ANO2: variants seen among roughly 807,000 people sequenced by gnomAD.
ANO2 encodes anoctamin-2.
Under a neutral mutation model 124.2 loss-of-function variants are expected in ANO2, and 101 were observed. The ratio of observed to expected loss-of-function variants is 0.81; its 90% CI spans 0.69 to 0.96. The LOEUF (loss-of-function observed/expected upper bound fraction) is 0.96, where lower values mean the gene tolerates loss of function less well. Ranked by LOEUF, ANO2 falls within the 40% of genes least tolerant of loss-of-function variation. The pLI is 0.00. For missense variants in ANO2, 1,293 were observed against 1,274.5 expected (o/e 1.01, Z -0.22); for synonymous variants, 486 against 482.5 (o/e 1.01, Z -0.09).
intron 10 of ANO2, among the ~76,000 whole-genome samples, chr12:5,752,290 T>C (rs1188882459): frequency 6.6e-6 from 1 of 152,224 alleles, no homozygotes; most frequent in Non-Finnish European, 1.5e-5. Context: ...TTGAGGAACC[T>C]CCATACTGTT....
intron 3 of ANO2, among the ~76,000 whole-genome samples, chr12:5,880,900 G>GGGATGGATGGATGGATGGATGGATGGAT (rs367583083): frequency 2.0e-4 from 29 of 142,522 alleles, no homozygotes; most frequent in African/African-American, 7.5e-4. Flanking sequence ...GGGTAGGTGG[G>GGGATGGATGGATGGATGGATGGATGGAT]GGATGGATGG....
chr12:5,619,824 G>A (rs990614208), intron 16 of ANO2, among the ~76,000 whole-genome samples: 2 of 152,234 alleles, frequency 1.3e-5, no homozygotes, highest in East Asian at 1.9e-4. Context: ...ACATTTAGAC[G>A]TGCTGAAACT....
At chr12:5,942,631 G>C (rs185254642) in intron 1 of ANO2, among the ~76,000 whole-genome samples, 1 of 139,928 alleles carries the variant, frequency 7.1e-6, no homozygotes, top group Non-Finnish European at 1.6e-5. Context: ...TCCCCACAGG[G>C]GAAGCTCCAC....
chr12:5,601,805 T>C (rs1243806815), intron 19 of ANO2, among the ~76,000 whole-genome samples: 4 of 152,204 alleles, frequency 2.6e-5, no homozygotes, highest in Non-Finnish European at 4.4e-5. Context: ...AATATAGTAG[T>C]GTGTGAGGAA....
intron 19 of ANO2, among the ~76,000 whole-genome samples, chr12:5,612,374 G>T (rs1944584024): frequency 6.6e-6 from 1 of 152,130 alleles, no homozygotes; most frequent in South Asian, 2.1e-4. Flanking sequence ...ATAGCATTAA[G>T]ATATTATGCA....
intron 6 of ANO2, among the ~76,000 whole-genome samples, chr12:5,829,831 C>G (rs1453528185): frequency 6.6e-6 from 1 of 152,188 alleles, no homozygotes; most frequent in East Asian, 1.9e-4. Flanking sequence ...AATTCAAACA[C>G]TTGACATGAA....
chr12:5,893,085 C>A (rs919669266), intron 3 of ANO2, among the ~76,000 whole-genome samples: 9 of 152,076 alleles, frequency 5.9e-5, no homozygotes, highest in Admixed American at 3.3e-4. Flanking sequence ...CAAGTATATC[C>A]AAAAATCAAC....
At position 5,790,242 on chromosome 12, in the gene ANO2, C is replaced by T. The variant is rs80257300; in HGVS notation, c.1055+9265G>A. ...CTCCCCAGGAGAGATGAGAGAAGAA[C>T]TGAAACTCCTTGTGCCCACTCTTAC... On this transcript the variant is annotated intron_variant, in intron 10 of 24. Coordinates refer to ENST00000682330, the MANE Select transcript of ANO2 (RefSeq NM_001364791.2). Among the ~76,000 whole-genome samples the T allele has an allele frequency of 1.9e-4, 29 of 152,286 alleles. No homozygotes were observed. The East Asian group carries it at 5.2e-3, about 27-fold the overall frequency.
At position 5,900,529 on chromosome 12, in the gene ANO2, G is replaced by A. The variant is rs1940117224; in HGVS notation, c.534+20511C>T. Among the ~76,000 whole-genome samples, 1 of 151,984 alleles carries A rather than the reference G, an allele frequency of 6.6e-6. No homozygotes were observed. ...AAAGGTCCCTTCCAACTCTTTCTGA[G>A]TCATCGAGGGCTTACCATAAAATAA... is the stretch of plus-strand genomic sequence containing the variant. On this transcript the variant is annotated intron_variant, in intron 3 of 24. Transcript: ENST00000682330. This position sits in a 1 kb window ranked among gnomAD's most constrained non-coding sequence, Gnocchi z 4.2.
rs560184221 is a variant in ANO2 at position 5,889,031 on chromosome 12, C to T, written c.534+32009G>A. On this transcript the variant is annotated intron_variant, in intron 3 of 24. Coordinates refer to ENST00000682330, the MANE Select transcript of ANO2 (RefSeq NM_001364791.2). ...ATGGCAGGCTGCAGGTCCCAAACCC[C>T]GCCCCGTGGGGAGGCAGCTAAGGCC... Among the ~76,000 whole-genome samples, 26 of 152,366 alleles carry T rather than the reference C, an allele frequency of 1.7e-4. 1 individual carries two copies. The highest frequency in any genetic ancestry group is 5.5e-4 in the African/African-American group (23 of 41,588).
intron 23 of ANO2, among the ~76,000 whole-genome samples, chr12:5,571,296 G>C (rs1408232415): frequency 6.6e-6 from 1 of 152,246 alleles, no homozygotes; most frequent in Admixed American, 6.5e-5. Context: ...AATCATGCCT[G>C]CAGATTGATG....
chr12:5,918,061 C>T (rs1249845450), intron 3 of ANO2, among the ~76,000 whole-genome samples: 1 of 152,168 alleles, frequency 6.6e-6, no homozygotes, highest in Admixed American at 6.5e-5. Flanking sequence ...CTCCCTAAGA[C>T]CCAACAACAG....
rs538123109 is a variant in ANO2 at position 5,697,430 on chromosome 12, T to A, written c.1545+35090A>T. On this transcript the variant is annotated intron_variant, in intron 14 of 24. Coordinates refer to ENST00000682330, the MANE Select transcript of ANO2 (RefSeq NM_001364791.2). ...CTGGGCAACAGAGCAAGACTCAGTC[T>A]CAAAAAAAATAAATAAATAAAATTA... Among the ~76,000 whole-genome samples, 4 of 151,682 alleles carry A rather than the reference T, an allele frequency of 2.6e-5. No individual in the cohort carries two copies. The East Asian group carries it at 7.7e-4, about 29-fold the overall frequency.
rs767675843 is a variant in ANO2, at chr12:5,854,114, G to A, written c.562C>T (p.Arg188Trp). Residue 188 changes from arginine to tryptophan, a missense_variant, in exon 4 of 25, where the codon CGG (arginine) becomes TGG (tryptophan). Coordinates refer to ENST00000682330, the MANE Select transcript of ANO2 (RefSeq NM_001364791.2). ...AGCACCTGCCACGGGGCGTGTATCCGGACAAAGATGGATCCCTGGCTTTTA... is the reference window on the plus strand; with the variant it reads ...AGCACCTGCCACGGGGCGTGTATCCAGACAAAGATGGATCCCTGGCTTTTA... ...ENKSQGSIFV[R>W]IHAPWQVLAR... is the part of the protein sequence containing the mutation. The A allele has an allele frequency of 3.2e-5, 51 of 1,612,922 alleles. No individual in the cohort carries two copies. The East Asian group carries it at 3.6e-4, about 11-fold the overall frequency.
chr12:5,646,307 T>C (rs1383676555), intron 15 of ANO2, among the ~76,000 whole-genome samples: 1 of 152,250 alleles, frequency 6.6e-6, no homozygotes, highest in Non-Finnish European at 1.5e-5. Flanking sequence ...CTTCCTATCC[T>C]GTCAGCCCTT....
At chr12:5,859,717 A>G (rs1233700708) in intron 3 of ANO2, among the ~76,000 whole-genome samples, 2 of 152,120 alleles carry the variant, frequency 1.3e-5, no homozygotes, top group African/African-American at 4.8e-5. Flanking sequence ...ATACTTTTTT[A>G]AAGATGGAGT....
chr12:5,873,345 G>A (rs903070920), intron 3 of ANO2, among the ~76,000 whole-genome samples: 3 of 152,024 alleles, frequency 2.0e-5, no homozygotes, highest in East Asian at 1.9e-4. Flanking sequence ...CTAGGCCGGC[G>A]AAGCCACTGA....
intron 10 of ANO2, among the ~76,000 whole-genome samples, chr12:5,755,380 T>G (rs868204421): frequency 1.3e-4 from 19 of 148,312 alleles, no homozygotes; most frequent in African/African-American, 4.0e-4. Context: ...TTATTTATTT[T>G]TATTTATTTT....
intron 15 of ANO2, among the ~76,000 whole-genome samples, chr12:5,644,656 T>C (rs950509862): frequency 5.9e-5 from 9 of 152,230 alleles, no homozygotes; most frequent in African/African-American, 1.9e-4. Context: ...TATTTACCAC[T>C]TTAAAAGTTC....
Sources: allele counts gnomAD v4.1 joint callset (sites outside exome capture counted in the v4.1 genomes callset), GRCh38; gene constraint gnomAD v4.1.1; non-coding constraint Gnocchi (gnomAD v3.1); transcripts MANE v1.5; gene names NCBI Gene and HGNC (gene_info 2026-07-23, HGNC 2026-07-21).